Variants in CADPS observed in about 807,000 individuals in gnomAD.
CADPS encodes the protein calcium dependent secretion activator.
In CADPS, 57 loss-of-function variants were observed where a neutral mutation model predicts 167.3. That is an observed-to-expected ratio of 0.34 (90% confidence interval 0.28 to 0.42). The LOEUF is 0.42. Among genes scored for constraint, CADPS ranks in the 20% least tolerant of loss-of-function variants. CADPS has a pLI of 1.00. For synonymous variants in CADPS, 676 were observed against 635.3 expected, an observed-to-expected ratio of 1.06 and a Z score of -0.96; for missense variants, 1,414 against 1,738.1, an observed-to-expected ratio of 0.81 and a Z score of 3.32.
intron 10 of CADPS, among the ~76,000 whole-genome samples, chr3:62,553,316 A>T (rs1042111559): frequency 6.6e-6 from 1 of 152,220 alleles, no homozygotes; most frequent in Non-Finnish European, 1.5e-5. Context: ...ATGGAAAGAC[A>T]CCAGGAAGTT....
chr3:62,838,648 C>G (rs2076231343), intron 1 of CADPS, among the ~76,000 whole-genome samples: 1 of 152,090 alleles, frequency 6.6e-6, no homozygotes, highest in South Asian at 2.1e-4. Flanking sequence ...TGTAACCTCT[C>G]TGGAAAAAAT....
chr3:62,415,353 T>C (rs539056677), intron 28 of CADPS, among the ~76,000 whole-genome samples: 1 of 152,100 alleles, frequency 6.6e-6, no homozygotes, highest in Non-Finnish European at 1.5e-5. Context: ...TAGAACTGAA[T>C]GGAGGCATGA....
intron 7 of CADPS, among the ~76,000 whole-genome samples, chr3:62,591,399 C>T (rs534210171): frequency 1.2e-4 from 18 of 152,234 alleles, no homozygotes; most frequent in African/African-American, 3.1e-4. Flanking sequence ...AAGGAGGTGG[C>T]ATTTATGCAG....
At chr3:62,503,413 T>C (rs1341819588) in intron 17 of CADPS, among the ~76,000 whole-genome samples, 1 of 152,230 alleles carries the variant, frequency 6.6e-6, no homozygotes, top group African/African-American at 2.4e-5. Flanking sequence ...GAAAGCAATC[T>C]ATGGGACTGA....
At chr3:62,415,486 C>T (rs892787106) in intron 28 of CADPS, among the ~76,000 whole-genome samples, 1 of 152,042 alleles carries the variant, frequency 6.6e-6, no homozygotes, top group African/African-American at 2.4e-5. Flanking sequence ...CCCCACCCCC[C>T]CAACTCCTTA....
At position 62,811,238 on chromosome 3, in the gene CADPS, C is replaced by T. The variant is rs531883944; in HGVS notation, c.442-45254G>A. ...GTAGCCTAACATTTTTACTTAATTG[C>T]TCTCTCCTCTTTTTTCCACATATTC... is the stretch of plus-strand genomic sequence containing the variant. On this transcript the variant is annotated intron_variant, in intron 1 of 29. Transcript: ENST00000383710. 7.2e-5 allele frequency among the ~76,000 whole-genome samples: 11 copies of T among 152,050 alleles called. No individual in the cohort carries two copies. In the East Asian group the frequency reaches 1.5e-3, roughly 21 times the overall value.
At chr3:62,654,819 T>G (rs1161242908) in intron 4 of CADPS, among the ~76,000 whole-genome samples, 1 of 152,212 alleles carries the variant, frequency 6.6e-6, no homozygotes, top group Non-Finnish European at 1.5e-5. Flanking sequence ...TGCCAGTTGC[T>G]GGCTTGGTAG....
intron 28 of CADPS, among the ~76,000 whole-genome samples, chr3:62,416,769 T>C (rs571613335): frequency 4.6e-4 from 70 of 152,316 alleles, no homozygotes; most frequent in African/African-American, 1.7e-3. Context: ...ACCATTGCTA[T>C]TTTATCATTT....
intron 1 of CADPS, among the ~76,000 whole-genome samples, chr3:62,793,044 GGAAAACTACAGTAATGAAT>G (rs1311176481): frequency 2.6e-5 from 4 of 152,066 alleles, no homozygotes; most frequent in African/African-American, 9.7e-5. Context: ...CTGTAAAATG[GGAAAACTACAGTAATGAAT>G]GACCGTTTAA....
intron 3 of CADPS, among the ~76,000 whole-genome samples, chr3:62,738,423 C>G (rs1202395394): frequency 7.8e-6 from 1 of 127,602 alleles, no homozygotes; most frequent in African/African-American, 3.2e-5. Flanking sequence ...AAAATACTTA[C>G]ACATTAAAAA....
chr3:62,786,944 T>C (rs2092494329), intron 1 of CADPS, among the ~76,000 whole-genome samples: 1 of 152,160 alleles, frequency 6.6e-6, no homozygotes, highest in South Asian at 2.1e-4. Context: ...CTGTCTTTCA[T>C]TTGAATCTAA....
At chr3:62,758,479 A>T (rs860592) in intron 2 of CADPS, among the ~76,000 whole-genome samples, 137,952 of 152,276 alleles carry the variant, frequency 0.91, 62,609 homozygotes, top group African/African-American at 0.95. Flanking sequence ...TCTCAGTCTG[A>T]CAAAGAGGAA....
chr3:62,521,636 G>C (rs1246269504), intron 13 of CADPS, among the ~76,000 whole-genome samples: 1 of 152,160 alleles, frequency 6.6e-6, no homozygotes, highest in Non-Finnish European at 1.5e-5. Context: ...ATTCCAGGCT[G>C]AGATGTGTCT....
At chr3:62,720,650 C>G (rs1482058132) in intron 3 of CADPS, among the ~76,000 whole-genome samples, 1 of 151,516 alleles carries the variant, frequency 6.6e-6, no homozygotes, top group African/African-American at 2.4e-5. Context: ...TAGGGAAAAA[C>G]ATTTTTAATT....
Position 62,478,441 on chromosome 3 carries a change from G to T in CADPS, c.3174-25C>A, listed in dbSNP as rs372836859. 11 of 1,605,038 alleles carry T rather than the reference G, an allele frequency of 6.9e-6. No individual in the cohort carries two copies. In the African/African-American group the frequency reaches 1.5e-4, roughly 21 times the overall value. The stretch of plus-strand genomic sequence containing the variant: ...ACTGGCAGGACAAAAATTAGAAAAT[G>T]AGAGTCACCCACTGGCCTCAGGCTC... On this transcript the variant is annotated intron_variant, in intron 22 of 29. Coordinates refer to ENST00000383710, the MANE Select transcript of CADPS (RefSeq NM_003716.4). This position sits in a 1 kb window ranked among gnomAD's most constrained non-coding sequence, Gnocchi z 5.7.
intron 4 of CADPS, among the ~76,000 whole-genome samples, chr3:62,655,769 C>G (rs1579752556): frequency 6.6e-6 from 1 of 152,092 alleles, no homozygotes; most frequent in Non-Finnish European, 1.5e-5. Context: ...CACTGGAGCT[C>G]ACTGACAGTG....
chr3:62,562,738 G>T (rs2079401916), intron 9 of CADPS, among the ~76,000 whole-genome samples: 1 of 152,202 alleles, frequency 6.6e-6, no homozygotes, highest in African/African-American at 2.4e-5. Flanking sequence ...AACTTTCAGG[G>T]CAAGTGGTTT....
At chr3:62,499,733 C>T (rs1406610) in intron 17 of CADPS, 142,687 of 153,228 alleles carry the variant, frequency 0.93, 66,613 homozygotes, top group South Asian at 0.98. Context: ...TGTTGGAACG[C>T]TCATTTTGAA....
intron 3 of CADPS, among the ~76,000 whole-genome samples, chr3:62,748,339 C>G: frequency 3.0e-5 from 1 of 33,532 alleles, no homozygotes; most frequent in Non-Finnish European, 6.3e-5. Context: ...AGCGAGACTC[C>G]GTCTCAAAAA....
Sources: gnomAD v4.1 joint callset for allele counts (sites outside exome capture counted in the v4.1 genomes callset) on GRCh38, gnomAD v4.1.1 for gene constraint, Gnocchi (gnomAD v3.1) non-coding constraint, MANE v1.5 for transcripts, NCBI Gene and HGNC (gene_info 2026-07-23, HGNC 2026-07-21) for gene names.